TMEM120B: variants seen among roughly 807,000 people sequenced by gnomAD.
TMEM120B encodes transmembrane protein 120B.
Under a neutral mutation model 55.5 loss-of-function variants are expected in TMEM120B, and 31 were observed. That is an observed-to-expected ratio of 0.56 (90% confidence interval 0.42 to 0.75). The LOEUF (loss-of-function observed/expected upper bound fraction) is 0.75. Ranked by LOEUF, TMEM120B falls within the 30% of genes least tolerant of loss-of-function variation. TMEM120B has a pLI of 0.00. For synonymous variants in TMEM120B, 203 were observed against 176.3 expected (o/e 1.15, Z -1.20); for missense variants, 399 against 425.5 (o/e 0.94, Z 0.55).
chr12:121,766,593 ATC>A (rs1873859019), intron 6 of TMEM120B, among the ~76,000 whole-genome samples: 1 of 152,058 alleles, frequency 6.6e-6, no homozygotes, highest in African/African-American at 2.4e-5. Context: ...TGACCTACTG[ATC>A]TCTGAGAGCC....
chr12:121,728,320 T>G (rs945520530), intron 1 of TMEM120B, among the ~76,000 whole-genome samples: 2 of 151,298 alleles, frequency 1.3e-5, no homozygotes, highest in Non-Finnish European at 2.9e-5. Flanking sequence ...AAACCCTGCC[T>G]CTACTAAAAA....
At chr12:121,773,860 A>T (rs1592950995) in intron 9 of TMEM120B, among the ~76,000 whole-genome samples, 1 of 151,110 alleles carries the variant, frequency 6.6e-6, no homozygotes. Flanking sequence ...GACATGCCTC[A>T]CTCTGAAGCC....
intron 1 of TMEM120B, among the ~76,000 whole-genome samples, chr12:121,739,405 A>G (rs892280275): frequency 1.6e-4 from 24 of 152,006 alleles, no homozygotes; most frequent in Non-Finnish European, 3.2e-4. Flanking sequence ...TCAACGTTAC[A>G]TTTTCTAGAC....
In TMEM120B at chr12:121,780,798, C is replaced by T. The variant is rs773890579; in HGVS notation, c.*5076C>T. 56 of 1,516,284 alleles carry T rather than the reference C, an allele frequency of 3.7e-5. No homozygotes were observed. The highest frequency in any genetic ancestry group is 4.7e-5 in the Non-Finnish European group (53 of 1,130,530). The allele number at this position is 1,516,284 out of a possible 1,614,324, so 93.9% of individuals were successfully genotyped here. On this transcript the variant is annotated 3_prime_UTR_variant, in exon 12 of 12. Transcript: ENST00000449592. ...GCTCCCTGAAAGGCCACTAAGGCAC[C>T]CCAGTTGCAGAGGCCAAAGGTCCGG...
chr12:121,743,813 C>A, intron 2 of TMEM120B, 66 bp downstream of exon 2: 1 of 1,165,680 alleles, frequency 8.6e-7, no homozygotes, highest in Non-Finnish European at 1.3e-6. Context: ...TCAAAACAGG[C>A]TGAAGCAGAG....
At chr12:121,733,783 C>T (rs1393640743) in intron 1 of TMEM120B, among the ~76,000 whole-genome samples, 1 of 152,056 alleles carries the variant, frequency 6.6e-6, no homozygotes, top group Non-Finnish European at 1.5e-5. Flanking sequence ...AGTGATCCGC[C>T]CACCTCGGCC....
intron 2 of TMEM120B, among the ~76,000 whole-genome samples, chr12:121,746,744 G>C (rs1449500686): frequency 6.6e-6 from 1 of 152,078 alleles, no homozygotes; most frequent in African/African-American, 2.4e-5. Context: ...CATGAGGTCA[G>C]GAGATCGAGA....
chr12:121,712,888 A>G lies in TMEM120B; in HGVS notation c.-8A>G. ...GCCGCCGGCACCGCCGCCTTGCACC[A>G]TCGCATCATGTCCGGGCAGCTGGAG... On this transcript the variant is annotated 5_prime_UTR_variant, in exon 1 of 12. Transcript: ENST00000449592. 6.6e-7 allele frequency: 1 copy of G among 1,520,392 alleles called. No individual in the cohort carries two copies. The highest frequency in any genetic ancestry group is 8.8e-7 in the Non-Finnish European group (1 of 1,140,228). 94.2% of individuals were successfully genotyped at this position (1,520,392 alleles called of 1,614,324 possible).
At chr12:121,723,868 T>C (rs971606264) in intron 1 of TMEM120B, among the ~76,000 whole-genome samples, 5 of 151,994 alleles carry the variant, frequency 3.3e-5, no homozygotes, top group Non-Finnish European at 7.4e-5. Flanking sequence ...GGGGGTGTGA[T>C]CATGACCACG....
chr12:121,714,640 C>A (rs1894663960), intron 1 of TMEM120B, among the ~76,000 whole-genome samples: 1 of 147,442 alleles, frequency 6.8e-6, no homozygotes, highest in Non-Finnish European at 1.5e-5. Context: ...TGGCTCACTG[C>A]AACCTCCGCC....
intron 8 of TMEM120B, among the ~76,000 whole-genome samples, chr12:121,772,919 A>G (rs1328160927): frequency 1.3e-5 from 2 of 152,250 alleles, no homozygotes; most frequent in African/African-American, 4.8e-5. Flanking sequence ...TGTATCTTTT[A>G]CAAGTATGGG....
intron 8 of TMEM120B, 107 bp downstream of exon 8, chr12:121,771,656 A>G: frequency 8.5e-7 from 1 of 1,175,168 alleles, no homozygotes; most frequent in East Asian, 2.3e-5. Flanking sequence ...TGTGGCAGGG[A>G]GACCAGACTG....
chr12:121,749,488 C>G (rs1311932885), intron 3 of TMEM120B, among the ~76,000 whole-genome samples: 1 of 152,156 alleles, frequency 6.6e-6, no homozygotes, highest in Non-Finnish European at 1.5e-5. Context: ...TCAAGACCAG[C>G]CTGGACAACA....
chr12:121,712,916 T>C lies in TMEM120B; in HGVS notation c.21T>C (p.Arg7=). 1 of 1,533,972 alleles carries C rather than the reference T, an allele frequency of 6.5e-7. No individual in the cohort carries two copies. The highest frequency in any genetic ancestry group is 8.7e-7 in the Non-Finnish European group (1 of 1,147,728). Residue 7 remains arginine (R), a synonymous_variant, in exon 1 of 12, where the codon CGT becomes CGC. Coordinates refer to ENST00000449592, the MANE Select transcript of TMEM120B (RefSeq NM_001080825.2). MSGQLE[R]CEREWHELEG... is the part of the protein sequence containing the mutation. ...GCATCATGTCCGGGCAGCTGGAGCG[T>C]TGCGAGCGCGAATGGCACGAGCTGG...
At chr12:121,767,774 A>T (rs1026039245) in intron 6 of TMEM120B, among the ~76,000 whole-genome samples, 7 of 152,148 alleles carry the variant, frequency 4.6e-5, no homozygotes, top group African/African-American at 9.7e-5. Flanking sequence ...GCCTCACCCG[A>T]TGTCACTGAG....
intron 2 of TMEM120B, among the ~76,000 whole-genome samples, chr12:121,745,671 T>C (rs1480329229): frequency 6.7e-6 from 1 of 150,252 alleles, no homozygotes; most frequent in Non-Finnish European, 1.5e-5. Context: ...AGATTACAGG[T>C]GTGAGCCACC....
At chr12:121,722,192 G>A (rs899228445) in intron 1 of TMEM120B, among the ~76,000 whole-genome samples, 1 of 150,414 alleles carries the variant, frequency 6.6e-6, no homozygotes, top group Admixed American at 6.7e-5. Context: ...TCTGCCTCCC[G>A]GGTTCAAGCG....
At chr12:121,772,082 T>C (rs1051362695) in intron 8 of TMEM120B, among the ~76,000 whole-genome samples, 3 of 137,440 alleles carry the variant, frequency 2.2e-5, no homozygotes, top group Admixed American at 2.1e-4. Context: ...TCTTTCTTTC[T>C]CTTTCTCTCT....
intron 1 of TMEM120B, among the ~76,000 whole-genome samples, chr12:121,720,423 C>G (rs1037433801): frequency 1.3e-5 from 2 of 152,066 alleles, no homozygotes; most frequent in Admixed American, 1.3e-4. Context: ...TAAAAGTAAT[C>G]TCTTGTCCAG....
Sources: gnomAD v4.1 joint callset for allele counts (sites outside exome capture counted in the v4.1 genomes callset) on GRCh38, gnomAD v4.1.1 for gene constraint, MANE v1.5 for transcripts, NCBI Gene and HGNC (gene_info 2026-07-23, HGNC 2026-07-21) for gene names.